MACROD2: variants seen among roughly 807,000 people sequenced by gnomAD.
MACROD2 encodes ADP-ribose glycohydrolase MACROD2.
MACROD2 carries 36 observed loss-of-function variants against 70.4 expected under a neutral mutation model. The ratio of observed to expected loss-of-function variants is 0.51; its 90% CI spans 0.39 to 0.68. The LOEUF is 0.68. Among genes scored for constraint, MACROD2 ranks in the 30% least tolerant of loss-of-function variants. The pLI is 0.00. For missense variants in MACROD2, 496 were observed against 538.4 expected (o/e 0.92, Z 0.78); for synonymous variants, 172 against 178.8 (o/e 0.96, Z 0.30).
chr20:15,637,092 C>T (rs2049381779), intron 8 of MACROD2, among the ~76,000 whole-genome samples: 1 of 152,106 alleles, frequency 6.6e-6, no homozygotes, highest in South Asian at 2.1e-4. Flanking sequence ...TTATAGGATG[C>T]TCCCCACAAA....
At chr20:15,734,168 C>G (rs1187956596) in intron 8 of MACROD2, among the ~76,000 whole-genome samples, 4 of 152,106 alleles carry the variant, frequency 2.6e-5, no homozygotes, top group Non-Finnish European at 5.9e-5. Context: ...GATGTCAGTA[C>G]CCTATGCAAA....
chr20:14,673,314 C>G (rs2070817791), intron 4 of MACROD2, among the ~76,000 whole-genome samples: 1 of 152,162 alleles, frequency 6.6e-6, no homozygotes, highest in Non-Finnish European at 1.5e-5. Flanking sequence ...GGCCCAATTG[C>G]TCATCACTTT....
intron 8 of MACROD2, among the ~76,000 whole-genome samples, chr20:15,630,191 T>A (rs2049267968): frequency 6.6e-6 from 1 of 152,180 alleles, no homozygotes; most frequent in African/African-American, 2.4e-5. Context: ...CTAGAAAGTT[T>A]GACATATAGT....
intron 3 of MACROD2, among the ~76,000 whole-genome samples, chr20:14,208,919 G>T (rs1246450120): frequency 6.6e-6 from 1 of 152,134 alleles, no homozygotes; most frequent in African/African-American, 2.4e-5. Flanking sequence ...TGGAGAGAGT[G>T]GGGAGGGATA....
chr20:14,261,552 C>T (rs935030755), intron 3 of MACROD2, among the ~76,000 whole-genome samples: 13 of 151,964 alleles, frequency 8.6e-5, no homozygotes, highest in African/African-American at 2.7e-4. Flanking sequence ...TGTATGTGTG[C>T]GGGTGTGTGT....
intron 3 of MACROD2, among the ~76,000 whole-genome samples, chr20:14,299,153 C>T (rs1352855363): frequency 6.6e-6 from 1 of 152,132 alleles, no homozygotes; most frequent in Non-Finnish European, 1.5e-5. Flanking sequence ...AAGGAGGAGT[C>T]AATTAATACA....
intron 12 of MACROD2, among the ~76,000 whole-genome samples, chr20:15,966,685 C>T (rs984097381): frequency 6.6e-6 from 1 of 152,116 alleles, no homozygotes; most frequent in African/African-American, 2.4e-5. Context: ...GAGGTTGCAG[C>T]GAGCTACGGT....
chr20:15,410,265 A>C (rs1387783510), intron 6 of MACROD2, among the ~76,000 whole-genome samples: 1 of 152,232 alleles, frequency 6.6e-6, no homozygotes, highest in East Asian at 1.9e-4. Flanking sequence ...TTAGCTTTTT[A>C]GTACTTACGA....
intron 8 of MACROD2, among the ~76,000 whole-genome samples, chr20:15,501,210 G>A (rs1328975331): frequency 6.6e-6 from 1 of 152,204 alleles, no homozygotes; most frequent in African/African-American, 2.4e-5. Flanking sequence ...CTTGGTCATA[G>A]TAAATGTTCC....
intron 5 of MACROD2, among the ~76,000 whole-genome samples, chr20:14,908,129 A>T (rs970241418): frequency 6.6e-6 from 1 of 151,982 alleles, no homozygotes; most frequent in Non-Finnish European, 1.5e-5. Flanking sequence ...GGATCACCCG[A>T]TGTCAGGAAT....
chr20:14,507,961 T>A (rs1432265722), intron 4 of MACROD2, among the ~76,000 whole-genome samples: 1 of 152,156 alleles, frequency 6.6e-6, no homozygotes, highest in Non-Finnish European at 1.5e-5. Flanking sequence ...ATATACTAGC[T>A]ACAGCCTCCT....
At chr20:15,940,231 C>T (rs574897205) in intron 12 of MACROD2, among the ~76,000 whole-genome samples, 2 of 150,824 alleles carry the variant, frequency 1.3e-5, no homozygotes, top group East Asian at 3.9e-4. Context: ...GCTCAGATTA[C>T]ATGCATGCAC....
chr20:14,134,782 C>A (rs1032031456), intron 3 of MACROD2, among the ~76,000 whole-genome samples: 1 of 117,528 alleles, frequency 8.5e-6, no homozygotes, highest in Admixed American at 1.2e-4. Flanking sequence ...TCCCGCCTGG[C>A]GACAGTGAGA....
chr20:15,103,177 A>G (rs1422795651), intron 5 of MACROD2, among the ~76,000 whole-genome samples: 1 of 152,156 alleles, frequency 6.6e-6, no homozygotes, highest in Non-Finnish European at 1.5e-5. Context: ...ATTTTCTCAC[A>G]TAGCAAGAAG....
Position 15,596,316 on chromosome 20 carries a change from GT to G in MACROD2, c.645+96470del, listed in dbSNP as rs556899850. 3.2e-3 allele frequency among the ~76,000 whole-genome samples: 480 copies of G among 152,284 alleles called. 6 individuals carry two copies. The highest frequency in any genetic ancestry group is 0.011 in the African/African-American group (465 of 41,546). ...TGGCTGCTGGGAATGCCTTCTTATG[GT>G]GGGTGTTGTAATGCTTTTATTTTGC... On this transcript the variant is annotated intron_variant, in intron 8 of 17. Coordinates refer to ENST00000684519, the MANE Select transcript of MACROD2 (RefSeq NM_001351661.2).
chr20:15,000,285 T>C (rs563964682), intron 5 of MACROD2, among the ~76,000 whole-genome samples: 28 of 152,238 alleles, frequency 1.8e-4, no homozygotes, highest in Non-Finnish European at 2.8e-4. Context: ...GGACTGGGTA[T>C]AAATGAGGTG....
chr20:15,527,863 T>C (rs2047742199), intron 8 of MACROD2, among the ~76,000 whole-genome samples: 1 of 152,234 alleles, frequency 6.6e-6, no homozygotes, highest in South Asian at 2.1e-4. Flanking sequence ...CTTCTGTCTT[T>C]TTCTCCATTT....
In MACROD2 at chr20:15,867,847, C is replaced by G. The variant is rs567280677; in HGVS notation, c.727+5021C>G. Among the ~76,000 whole-genome samples the G allele has an allele frequency of 3.3e-5, 5 of 152,306 alleles. No individual in the cohort carries two copies. In the South Asian group the frequency reaches 1.0e-3, roughly 32 times the overall value. On this transcript the variant is annotated intron_variant, in intron 9 of 17. Transcript: ENST00000684519. ...ACTTGTCATGGTAAACCCTCCTTCA[C>G]TCCTCCCTTTAGGAAAAACCAACCT...
chr20:15,458,371 T>C (rs2046759077), intron 7 of MACROD2, among the ~76,000 whole-genome samples: 1 of 152,128 alleles, frequency 6.6e-6, no homozygotes, highest in South Asian at 2.1e-4. Flanking sequence ...CTCAGGACGA[T>C]ATTTGGATTC....
Sources: allele counts gnomAD v4.1 joint callset (sites outside exome capture counted in the v4.1 genomes callset), GRCh38; gene constraint gnomAD v4.1.1; transcripts MANE v1.5; gene names NCBI Gene and HGNC (gene_info 2026-07-23, HGNC 2026-07-21).